The following KITLG variants were observed in gnomAD, a reference collection of about 807,000 sequenced individuals.
KITLG encodes KIT ligand.
KITLG carries 13 observed loss-of-function variants against 34.1 expected under a neutral mutation model. The observed-to-expected ratio is 0.38, with a 90% confidence interval of 0.25 to 0.61. The LOEUF (loss-of-function observed/expected upper bound fraction) is 0.61. Ranked by LOEUF, KITLG falls within the 20% of genes least tolerant of loss-of-function variation. The pLI is 0.60. For synonymous variants in KITLG, 110 were observed against 104.0 expected (o/e 1.06, Z -0.35); for missense variants, 292 against 318.9 (o/e 0.92, Z 0.64).
chr12:88,538,140 C>T (rs768975949), intron 2 of KITLG, among the ~76,000 whole-genome samples: 7 of 151,840 alleles, frequency 4.6e-5, no homozygotes, highest in African/African-American at 1.2e-4. Flanking sequence ...ATACTAAATG[C>T]GAGGGAGTGG....
At chr12:88,526,767 G>A (rs1300579050) in intron 3 of KITLG, among the ~76,000 whole-genome samples, 1 of 151,336 alleles carries the variant, frequency 6.6e-6, no homozygotes, top group African/African-American at 2.4e-5. Context: ...CAGGAATAGA[G>A]AAAGCCAGGC....
chr12:88,578,819 G>T (rs1056087056), intron 1 of KITLG, among the ~76,000 whole-genome samples: 41 of 152,172 alleles, frequency 2.7e-4, no homozygotes, highest in African/African-American at 9.9e-4. Context: ...GAAGGAATAG[G>T]TCTCTACCCT....
At chr12:88,579,704 G>A (rs1592593451) in intron 1 of KITLG, among the ~76,000 whole-genome samples, 1 of 151,966 alleles carries the variant, frequency 6.6e-6, no homozygotes, top group African/African-American at 2.4e-5. Flanking sequence ...CAAGTTTCCC[G>A]GGCAGGCGGG....
intron 6 of KITLG, among the ~76,000 whole-genome samples, chr12:88,514,907 T>A (rs982764235): frequency 2.0e-5 from 3 of 151,722 alleles, no homozygotes; most frequent in African/African-American, 7.2e-5. Context: ...GAGTATTTAG[T>A]AAATACAATA....
Position 88,545,187 on chromosome 12 carries a change from G to A in KITLG, c.129+565C>T, listed in dbSNP as rs114605233. 1.3e-3 allele frequency among the ~76,000 whole-genome samples: 191 copies of A among 152,232 alleles called. 3 individuals are homozygous for A. The highest frequency in any genetic ancestry group is 4.5e-3 in the African/African-American group (186 of 41,532). On this transcript the variant is annotated intron_variant, in intron 2 of 9. Transcript: ENST00000644744. ...TTGGGGAAGCAATGCAAATGCTTTC[G>A]CTGAGGGAAGAGTTCAATGTGACAA...
chr12:88,536,355 T>C (rs991850017), intron 2 of KITLG, among the ~76,000 whole-genome samples: 4 of 152,040 alleles, frequency 2.6e-5, no homozygotes, highest in African/African-American at 9.7e-5. Context: ...AGACACCATC[T>C]CATAGGGGTT....
At chr12:88,545,674 T>A in intron 2 of KITLG, 78 bp downstream of exon 2, 1 of 827,248 alleles carries the variant, frequency 1.2e-6, no homozygotes, top group Non-Finnish European at 2.0e-6. Flanking sequence ...AAGAAAAATC[T>A]AAATCTTTTA....
intron 6 of KITLG, among the ~76,000 whole-genome samples, chr12:88,511,169 A>G (rs1178576739): frequency 6.6e-6 from 1 of 152,228 alleles, no homozygotes; most frequent in Non-Finnish European, 1.5e-5. Context: ...GGGATTGAAT[A>G]GGTATTTTAT....
chr12:88,544,511 T>TAA (rs397757323), intron 2 of KITLG, among the ~76,000 whole-genome samples: 76 of 146,994 alleles, frequency 5.2e-4, no homozygotes, highest in Middle Eastern at 3.6e-3. Flanking sequence ...AGTATGTTTT[T>TAA]AAAAAAAAAA....
intron 3 of KITLG, 117 bp from the exon 4 acceptor site, chr12:88,518,984 T>A: frequency 2.2e-6 from 2 of 889,288 alleles, no homozygotes; most frequent in Admixed American, 2.0e-5. Context: ...TGCCTCAGCC[T>A]CTCGAGTAGC....
intron 1 of KITLG, among the ~76,000 whole-genome samples, chr12:88,574,365 G>A (rs951765422): frequency 6.6e-6 from 1 of 152,126 alleles, no homozygotes; most frequent in Non-Finnish European, 1.5e-5. Context: ...CTAAGGAAAG[G>A]AGGTAAGCAA....
intron 2 of KITLG, among the ~76,000 whole-genome samples, chr12:88,541,573 G>T (rs893723798): frequency 1.3e-5 from 2 of 152,038 alleles, no homozygotes; most frequent in Admixed American, 1.3e-4. Flanking sequence ...ACTAAAATCT[G>T]CAACCTAACT....
chr12:88,547,804 GAATA>G (rs1437583246), intron 1 of KITLG, among the ~76,000 whole-genome samples: 4 of 152,148 alleles, frequency 2.6e-5, no homozygotes, highest in African/African-American at 9.7e-5. Flanking sequence ...GCCTGGCATT[GAATA>G]AATACTAAAG....
At chr12:88,514,121 A>G (rs1451887106) in intron 6 of KITLG, among the ~76,000 whole-genome samples, 1 of 151,720 alleles carries the variant, frequency 6.6e-6, no homozygotes, top group Non-Finnish European at 1.5e-5. Flanking sequence ...CAGTTGACAA[A>G]TATTTAGAAA....
At chr12:88,498,786 C>A (rs1023958621) in intron 9 of KITLG, among the ~76,000 whole-genome samples, 6 of 152,012 alleles carry the variant, frequency 3.9e-5, no homozygotes, top group Non-Finnish European at 8.8e-5. Flanking sequence ...AGGCACAAAA[C>A]CCCCTTCAAC....
intron 1 of KITLG, among the ~76,000 whole-genome samples, chr12:88,578,491 A>G (rs894324843): frequency 2.0e-5 from 3 of 152,192 alleles, no homozygotes; most frequent in Admixed American, 6.5e-5. Flanking sequence ...AATGTTTCAG[A>G]CTAGATTGAC....
chr12:88,553,924 CAAG>C (rs919298273), intron 1 of KITLG, among the ~76,000 whole-genome samples: 2 of 152,134 alleles, frequency 1.3e-5, no homozygotes, highest in African/African-American at 4.8e-5. Flanking sequence ...GAGGGATTTA[CAAG>C]AAGATGAGGT....
At chr12:88,566,959 TA>T (rs1871462795) in intron 1 of KITLG, among the ~76,000 whole-genome samples, 1 of 152,172 alleles carries the variant, frequency 6.6e-6, no homozygotes, top group African/African-American at 2.4e-5. Context: ...GCGCTGTCAG[TA>T]AGTTCTTGTT....
intron 2 of KITLG, among the ~76,000 whole-genome samples, chr12:88,537,485 C>G (rs1203324934): frequency 6.6e-6 from 1 of 151,720 alleles, no homozygotes. Flanking sequence ...AGATAGGAAG[C>G]AGGAAGACAG....
Sources: gnomAD v4.1 joint callset for allele counts (sites outside exome capture counted in the v4.1 genomes callset) on GRCh38, gnomAD v4.1.1 for gene constraint, MANE v1.5 for transcripts, NCBI Gene and HGNC (gene_info 2026-07-23, HGNC 2026-07-21) for gene names.